The following NBAS variants were observed in gnomAD, a reference collection of about 807,000 sequenced individuals.
NBAS encodes NAG/BC035112 fusion.
A neutral mutation model predicts 302.5 loss-of-function variants in NBAS; 219 were observed. The observed-to-expected ratio is 0.72, with a 90% confidence interval of 0.65 to 0.81. The LOEUF is 0.81. Among genes scored for constraint, NBAS ranks in the 30% least tolerant of loss-of-function variants. The pLI is 0.00. For synonymous variants in NBAS, 1,118 were observed against 1,021.6 expected, an observed-to-expected ratio of 1.09 and a Z score of -1.80; for missense variants, 2,932 against 2,841.6, an observed-to-expected ratio of 1.03 and a Z score of -0.72.
chr2:15,124,468 C>T, the NBAS span, among the ~76,000 whole-genome samples: 9 of 152,196 alleles, frequency 5.9e-5, no homozygotes, highest in Admixed American at 2.0e-4. Flanking sequence ...GGCTGTAGAG[C>T]GACCACTTGC....
the NBAS span, among the ~76,000 whole-genome samples, chr2:14,994,005 T>C: frequency 2.0e-5 from 3 of 152,242 alleles, no homozygotes; most frequent in East Asian, 5.8e-4. Flanking sequence ...AAATAGATAT[T>C]ACACAGGACT....
the NBAS span, among the ~76,000 whole-genome samples, chr2:15,038,112 C>CTTT: frequency 9.1e-3 from 1,081 of 118,498 alleles, 49 homozygotes; most frequent in African/African-American, 0.032. Context: ...TGACTTTATT[C>CTTT]TTTTTTTTTT....
At chr2:14,789,402 C>G in the NBAS span, among the ~76,000 whole-genome samples, 1 of 152,164 alleles carries the variant, frequency 6.6e-6, no homozygotes, top group Non-Finnish European at 1.5e-5. Flanking sequence ...GATGGAAATG[C>G]AGAAATCACC....
At chr2:15,263,531 A>T (rs1668943498) in intron 44 of NBAS, among the ~76,000 whole-genome samples, 1 of 152,142 alleles carries the variant, frequency 6.6e-6, no homozygotes, top group South Asian at 2.1e-4. Flanking sequence ...GCCCCTTCCT[A>T]TCTTTCTGGC....
the NBAS span, among the ~76,000 whole-genome samples, chr2:15,067,159 CAAAAAAAAAAA>C: frequency 4.1e-3 from 385 of 93,322 alleles, 8 homozygotes; most frequent in East Asian, 0.025. Context: ...CTTATCTCCA[CAAAAAAAAAAA>C]AAAAAAAAAA....
intron 9 of NBAS, among the ~76,000 whole-genome samples, chr2:15,521,150 T>C (rs942883917): frequency 1.3e-5 from 2 of 152,236 alleles, no homozygotes; most frequent in African/African-American, 4.8e-5. Context: ...CCTGCCCTTG[T>C]GGAGTTAACA....
At chr2:14,970,334 A>T in the NBAS span, among the ~76,000 whole-genome samples, 13,697 of 152,266 alleles carry the variant, frequency 0.09, 1,655 homozygotes, top group African/African-American at 0.27. Flanking sequence ...CATTTATATA[A>T]GATAAGACTA....
the NBAS span, among the ~76,000 whole-genome samples, chr2:14,888,221 C>A: frequency 1.4e-4 from 21 of 152,224 alleles, no homozygotes; most frequent in African/African-American, 5.1e-4. Context: ...ACCTCCGCCT[C>A]CTGGGTTCAA....
At chr2:15,200,708 T>C (rs770900778) in intron 48 of NBAS, among the ~76,000 whole-genome samples, 1 of 152,200 alleles carries the variant, frequency 6.6e-6, no homozygotes, top group Admixed American at 6.5e-5. Flanking sequence ...TTGAATTAGG[T>C]GACTTTTGCC....
the NBAS span, among the ~76,000 whole-genome samples, chr2:15,076,556 G>A: frequency 1.3e-5 from 2 of 152,286 alleles, no homozygotes; most frequent in South Asian, 4.1e-4. Flanking sequence ...CTGATTCTTG[G>A]CTGTCTAGTA....
chr2:14,814,797 G>T, the NBAS span, among the ~76,000 whole-genome samples: 2 of 152,262 alleles, frequency 1.3e-5, no homozygotes, highest in African/African-American at 4.8e-5. Flanking sequence ...CCAGGGGAAT[G>T]ACATGGTTTG....
At chr2:15,189,918 T>C (rs1195367787) in intron 49 of NBAS, among the ~76,000 whole-genome samples, 1 of 152,206 alleles carries the variant, frequency 6.6e-6, no homozygotes, top group African/African-American at 2.4e-5. Flanking sequence ...AAATTATTCA[T>C]TTATTCCATT....
In NBAS at chr2:15,555,255, C is replaced by T. The variant is rs531247415; in HGVS notation, c.210-1117G>A. Reference sequence around the variant, plus strand: ...CCAGCCTGACCAACACAATAAGACCCTCTCTTAAAAAAAAAAAAAAAATTA... The same window carrying T: ...CCAGCCTGACCAACACAATAAGACCTTCTCTTAAAAAAAAAAAAAAAATTA... On this transcript the variant is annotated intron_variant, in intron 3 of 51. Transcript: ENST00000281513. Among the ~76,000 whole-genome samples, 11 of 146,622 alleles carry T rather than the reference C, an allele frequency of 7.5e-5. No individual in the cohort carries two copies. In the South Asian group the frequency reaches 2.4e-3, roughly 32 times the overall value.
intron 6 of NBAS, among the ~76,000 whole-genome samples, chr2:15,546,972 G>T (rs575459554): frequency 1.3e-5 from 2 of 152,210 alleles, no homozygotes; most frequent in South Asian, 4.2e-4. Context: ...TAGGAAACTC[G>T]CATTTATGGT....
At chr2:15,098,396 T>C in the NBAS span, among the ~76,000 whole-genome samples, 1 of 9,558 alleles carries the variant, frequency 1.0e-4, no homozygotes, top group Non-Finnish European at 1.8e-4. Flanking sequence ...TATTGTATAT[T>C]ATATATTATA....
the NBAS span, among the ~76,000 whole-genome samples, chr2:14,831,561 C>A: frequency 6.6e-6 from 1 of 152,112 alleles, no homozygotes; most frequent in Non-Finnish European, 1.5e-5. Context: ...CAGATGCTTA[C>A]TTTGTATTGT....
At chr2:14,800,785 G>GT in the NBAS span, among the ~76,000 whole-genome samples, 107 of 129,502 alleles carry the variant, frequency 8.3e-4, no homozygotes, top group Admixed American at 1.0e-3. Context: ...GATTTAAATT[G>GT]TTTTTGTTTT....
the NBAS span, among the ~76,000 whole-genome samples, chr2:14,927,134 C>T: frequency 1.3e-5 from 2 of 152,218 alleles, no homozygotes; most frequent in African/African-American, 4.8e-5. Context: ...CCTGGTTTCC[C>T]AGCAGATGGC....
At chr2:15,550,651 A>G (rs1366623878) in intron 6 of NBAS, among the ~76,000 whole-genome samples, 1 of 151,390 alleles carries the variant, frequency 6.6e-6, no homozygotes. Context: ...CAGTGGCTCA[A>G]TCTCGGCTCA....
Sources: gnomAD v4.1 joint callset for allele counts (sites outside exome capture counted in the v4.1 genomes callset) on GRCh38, gnomAD v4.1.1 for gene constraint, MANE v1.5 for transcripts, NCBI Gene and HGNC (gene_info 2026-07-23, HGNC 2026-07-21) for gene names.